Variants in CAMTA1 observed in about 807,000 individuals in gnomAD.
CAMTA1 encodes the protein calmodulin-binding transcription activator 1.
CAMTA1 carries 27 observed loss-of-function variants against 170.9 expected under a neutral mutation model. The ratio of observed to expected loss-of-function variants is 0.16; its 90% CI spans 0.12 to 0.22. CAMTA1 has a LOEUF of 0.22. Ranked by LOEUF, CAMTA1 falls within the 10% of genes least tolerant of loss-of-function variation. The probability of loss-of-function intolerance (pLI) is 1.00; values close to 1 mark genes in which losing one functional copy is unlikely to be tolerated. For synonymous variants in CAMTA1, 833 were observed against 891.5 expected, an observed-to-expected ratio of 0.93 and a Z score of 1.17; for missense variants, 1,619 against 2,217.2, an observed-to-expected ratio of 0.73 and a Z score of 5.42.
At chr1:7,346,785 G>A (rs528285227) in intron 5 of CAMTA1, among the ~76,000 whole-genome samples, 11 of 152,232 alleles carry the variant, frequency 7.2e-5, no homozygotes, top group Admixed American at 5.9e-4. Flanking sequence ...CCTCCTCCTG[G>A]GTCTGAGGGC....
chr1:7,619,652 A>ATT (rs59695174), intron 6 of CAMTA1, among the ~76,000 whole-genome samples: 11 of 143,630 alleles, frequency 7.7e-5, no homozygotes, highest in African/African-American at 2.3e-4. Context: ...GGAGAAATTG[A>ATT]TTTTTTTTTT....
intron 7 of CAMTA1, among the ~76,000 whole-genome samples, chr1:7,657,809 T>C (rs2095917426): frequency 6.6e-6 from 1 of 152,180 alleles, no homozygotes; most frequent in South Asian, 2.1e-4. Flanking sequence ...ATCTGCATAT[T>C]GGATGTGCCA....
Position 7,195,466 on chromosome 1 carries a change from T to C in CAMTA1, c.303-54025T>C, listed in dbSNP as rs1486569245. 6.6e-6 allele frequency among the ~76,000 whole-genome samples: 1 copy of C among 152,176 alleles called. No individual in the cohort carries two copies. The highest frequency in any genetic ancestry group is 2.4e-5 in the African/African-American group (1 of 41,440). ...GTGCAGACTCCCCAGCTGCCCGTAG[T>C]GACCATGGGGCACAAGCAGGGAATA... is the stretch of plus-strand genomic sequence containing the variant. On this transcript the variant is annotated intron_variant, in intron 4 of 22. Coordinates refer to ENST00000303635, the MANE Select transcript of CAMTA1 (RefSeq NM_015215.4). The surrounding 1 kb of genome is among the most constrained non-coding windows in gnomAD (Gnocchi z 4.1).
chr1:7,027,593 G>A (rs561435611), intron 3 of CAMTA1, among the ~76,000 whole-genome samples: 1 of 152,322 alleles, frequency 6.6e-6, no homozygotes, highest in Non-Finnish European at 1.5e-5. Flanking sequence ...TTTGAACCTG[G>A]CCTAAAGGAC....
rs77614230 is a variant in CAMTA1, at chr1:7,614,800, C to T, written c.511-25600C>T. Among the ~76,000 whole-genome samples the T allele has an allele frequency of 1.8e-4, 28 of 152,308 alleles. No individual in the cohort carries two copies. The East Asian group carries it at 2.9e-3, about 16-fold the overall frequency. ...CCCCAGCCCCGCTGCTCCCACCTCCCGAGGCTCCTGTCCTCCTCACTCACC... is the reference window on the plus strand; with the variant it reads ...CCCCAGCCCCGCTGCTCCCACCTCCTGAGGCTCCTGTCCTCCTCACTCACC... On this transcript the variant is annotated intron_variant, in intron 6 of 22. Transcript: ENST00000303635.
rs74224530 is a variant in CAMTA1 at position 6,843,239 on chromosome 1, C to T, written c.234+18029C>T. ...TTCTTCTTTTCCTCCCATAGTCTGT[C>T]TCCATCTTTGAGCTGCTGTTCTTTC... On this transcript the variant is annotated intron_variant, in intron 3 of 22. Coordinates refer to ENST00000303635, the MANE Select transcript of CAMTA1 (RefSeq NM_015215.4). 5.6e-4 allele frequency among the ~76,000 whole-genome samples: 86 copies of T among 152,272 alleles called. No homozygotes were observed. In the East Asian group the frequency reaches 0.016, roughly 28 times the overall value.
At position 7,455,951 on chromosome 1, in the gene CAMTA1, A is replaced by T. The variant is rs562678825; in HGVS notation, c.439-11879A>T. Among the ~76,000 whole-genome samples, 10 of 152,346 alleles carry T rather than the reference A, an allele frequency of 6.6e-5. No homozygotes were observed. The highest frequency in any genetic ancestry group is 2.4e-4 in the African/African-American group (10 of 41,576). Reference sequence around the variant, plus strand: ...CGAAGCTCCCAGCGCCAGAGGGTACAGCCTGAGCCTCCTTACCAAGGCTCA... The same window carrying T: ...CGAAGCTCCCAGCGCCAGAGGGTACTGCCTGAGCCTCCTTACCAAGGCTCA... On this transcript the variant is annotated intron_variant, in intron 5 of 22. Coordinates refer to ENST00000303635, the MANE Select transcript of CAMTA1 (RefSeq NM_015215.4). The surrounding 1 kb of genome is among the most constrained non-coding windows in gnomAD (Gnocchi z 5.0).
In CAMTA1 at chr1:7,662,428, G is replaced by T. The variant is rs530549094; in HGVS notation, c.805+562G>T. Among the ~76,000 whole-genome samples, 7 of 152,234 alleles carry T rather than the reference G, an allele frequency of 4.6e-5. No homozygotes were observed. The South Asian group carries it at 1.5e-3, about 32-fold the overall frequency. ...AATTAGATAGTCCCATTAGAGGGTC[G>T]TGTCACTTCTCTACGCAGTCTTGGT... On this transcript the variant is annotated intron_variant, in intron 8 of 22. Coordinates refer to ENST00000303635, the MANE Select transcript of CAMTA1 (RefSeq NM_015215.4).
intron 11 of CAMTA1, among the ~76,000 whole-genome samples, chr1:7,714,659 C>G (rs894804099): frequency 6.6e-6 from 1 of 152,014 alleles, no homozygotes; most frequent in African/African-American, 2.4e-5. Flanking sequence ...GTAGCTGGGA[C>G]TCCAGGTGCG....
chr1:7,666,847 C>T (rs1558089975), intron 9 of CAMTA1, among the ~76,000 whole-genome samples: 1 of 152,252 alleles, frequency 6.6e-6, no homozygotes, highest in East Asian at 1.9e-4. Context: ...GTTGGTGTGA[C>T]CGTGTTTCTG....
At chr1:7,314,684 C>T (rs893322272) in intron 5 of CAMTA1, among the ~76,000 whole-genome samples, 6 of 152,158 alleles carry the variant, frequency 3.9e-5, no homozygotes, top group African/African-American at 7.2e-5. Context: ...CAAATGGAAT[C>T]GTGACTTAGG....
chr1:7,654,048 G>C (rs1283965245), intron 7 of CAMTA1, among the ~76,000 whole-genome samples: 1 of 152,142 alleles, frequency 6.6e-6, no homozygotes, highest in Non-Finnish European at 1.5e-5. Context: ...AGAGGCGGGG[G>C]CTTGAGCTGG....
chr1:7,121,268 C>A (rs1644624638), intron 4 of CAMTA1, among the ~76,000 whole-genome samples: 1 of 152,180 alleles, frequency 6.6e-6, no homozygotes, highest in African/African-American at 2.4e-5. Flanking sequence ...AGAACATGAG[C>A]TATGTGTGTA....
In CAMTA1 at chr1:7,408,014, C is replaced by G. The variant is rs530238355; in HGVS notation, c.439-59816C>G. 4.6e-5 allele frequency among the ~76,000 whole-genome samples: 7 copies of G among 152,302 alleles called. No homozygotes were observed. The East Asian group carries it at 1.4e-3, about 29-fold the overall frequency. On this transcript the variant is annotated intron_variant, in intron 5 of 22. Coordinates refer to ENST00000303635, the MANE Select transcript of CAMTA1 (RefSeq NM_015215.4). The stretch of plus-strand genomic sequence containing the variant: ...ATGCAAGCAGAGAGCTGGCCAAAGA[C>G]CCTGAGTGGGAGAAAGGTTGGAAGC...
At chr1:6,861,529 G>A (rs1308130317) in intron 3 of CAMTA1, among the ~76,000 whole-genome samples, 2 of 152,096 alleles carry the variant, frequency 1.3e-5, no homozygotes, top group African/African-American at 4.8e-5. Flanking sequence ...GAAACCACTG[G>A]TCAGGGGTTA....
chr1:7,757,358 T>C (rs991839184), intron 22 of CAMTA1, among the ~76,000 whole-genome samples: 2 of 152,220 alleles, frequency 1.3e-5, no homozygotes, highest in Non-Finnish European at 2.9e-5. Flanking sequence ...ACTTTATTTA[T>C]ACAAATAGAT....
At position 7,224,476 on chromosome 1, in the gene CAMTA1, AAAC is replaced by A. The variant is rs1661346581; in HGVS notation, c.303-25013_303-25011del. 3.9e-5 allele frequency among the ~76,000 whole-genome samples: 6 copies of A among 152,342 alleles called. No individual in the cohort carries two copies. Among genetic ancestry groups the A allele is most frequent in the Admixed American group, 3.9e-4 (6 of 15,306 alleles). ...ATGTTCCCAACGAGATCCAAGAGCA[AAAC>A]AGTTTTCTGAAACTATTTTCCACTT... is the stretch of plus-strand genomic sequence containing the variant. On this transcript the variant is annotated intron_variant, in intron 4 of 22. Transcript: ENST00000303635. This position sits in a 1 kb window ranked among gnomAD's most constrained non-coding sequence, Gnocchi z 5.2.
At position 7,293,205 on chromosome 1, in the gene CAMTA1, G is replaced by A. The variant is rs1673410161; in HGVS notation, c.438+43579G>A. Reference sequence around the variant, plus strand: ...GATTGCGCTGCAGAAGCTGGGGCTGGTAAAGGCTGGGGAGCAAATGCAGAC... The same window carrying A: ...GATTGCGCTGCAGAAGCTGGGGCTGATAAAGGCTGGGGAGCAAATGCAGAC... On this transcript the variant is annotated intron_variant, in intron 5 of 22. Coordinates refer to ENST00000303635, the MANE Select transcript of CAMTA1 (RefSeq NM_015215.4). This position sits in a 1 kb window ranked among gnomAD's most constrained non-coding sequence, Gnocchi z 4.1. Among the ~76,000 whole-genome samples the A allele has an allele frequency of 6.6e-6, 1 of 152,198 alleles. No homozygotes were observed. Among genetic ancestry groups the A allele is most frequent in the Non-Finnish European group, 1.5e-5 (1 of 68,038 alleles).
chr1:7,296,744 A>G (rs1364470534), intron 5 of CAMTA1, among the ~76,000 whole-genome samples: 1 of 152,082 alleles, frequency 6.6e-6, no homozygotes, highest in Non-Finnish European at 1.5e-5. Context: ...TTGAATACAT[A>G]TGTCTGGAGC....
Sources: gnomAD v4.1 joint callset for allele counts (sites outside exome capture counted in the v4.1 genomes callset) on GRCh38, gnomAD v4.1.1 for gene constraint, Gnocchi (gnomAD v3.1) non-coding constraint, MANE v1.5 for transcripts, NCBI Gene and HGNC (gene_info 2026-07-23, HGNC 2026-07-21) for gene names.